Variants in IQSEC3 observed in about 807,000 individuals in gnomAD.
The protein encoded by IQSEC3 is IQ motif and Sec7 domain ArfGEF 3, also known as IQ motif and SEC7 domain-containing protein 3.
IQSEC3 carries 50 observed loss-of-function variants against 105.4 expected under a neutral mutation model. That is an observed-to-expected ratio of 0.47 (90% CI 0.38 to 0.60). The LOEUF is 0.60. Ranked by LOEUF, IQSEC3 falls within the 20% of genes least tolerant of loss-of-function variation. The probability of loss-of-function intolerance (pLI) is 0.00; values close to 1 mark genes in which losing one functional copy is unlikely to be tolerated. For missense variants in IQSEC3, 1,415 were observed against 1,630.0 expected (o/e 0.87, Z 2.27); for synonymous variants, 708 against 746.0 (o/e 0.95, Z 0.83).
intron 7 of IQSEC3, 104 bp from the exon 8 acceptor site, chr12:161,822 C>A (rs555203160): frequency 7.8e-5 from 95 of 1,217,938 alleles, no homozygotes; most frequent in Non-Finnish European, 1.1e-4. Context: ...AAGGCCACCC[C>A]CCGGGAGCTC....
intron 1 of IQSEC3, among the ~76,000 whole-genome samples, chr12:78,181 G>T (rs1181127133): frequency 1.3e-5 from 2 of 150,604 alleles, no homozygotes; most frequent in African/African-American, 4.8e-5. Context: ...GCCTCCCGGC[G>T]CAGGGCGCCG....
intron 2 of IQSEC3, among the ~76,000 whole-genome samples, chr12:102,025 C>T (rs1441301690): frequency 6.6e-6 from 1 of 152,116 alleles, no homozygotes; most frequent in Non-Finnish European, 1.5e-5. Context: ...GGGTAGGTCA[C>T]ACAGCCCTCT....
chr12:87,100 T>G (rs1555072260), intron 1 of IQSEC3, among the ~76,000 whole-genome samples: 1 of 152,068 alleles, frequency 6.6e-6, no homozygotes, highest in African/African-American at 2.4e-5. Flanking sequence ...AAAACAGATC[T>G]CTGTTTTGCT....
In IQSEC3 at chr12:138,462, G is replaced by C. The variant is rs900471184; in HGVS notation, c.1099G>C (p.Glu367Gln). 17 of 1,601,512 alleles carry C rather than the reference G, an allele frequency of 1.1e-5. No homozygotes were observed. Among genetic ancestry groups the C allele is most frequent in the African/African-American group, 1.3e-5 (1 of 74,846 alleles). ...ACCCACGGCCGAGAGCCTGGCGGCC[G>C]AGAAAGCGCTCATGGAGGGCTACGG... is the stretch of plus-strand genomic sequence containing the variant. ...RSPTAESLAA[E>Q]KALMEGYGLV... The change falls in exon 4 of 14, where the codon GAG becomes CAG. Residue 367 changes from glutamate (E) to glutamine (Q), a missense_variant. By Grantham distance (29) the Glu-to-Gln change is conservative. Transcript: ENST00000538872. The surrounding 1 kb of genome is among the most constrained non-coding windows in gnomAD (Gnocchi z 7.1).
chr12:134,516 G>A (rs536295681), intron 3 of IQSEC3, among the ~76,000 whole-genome samples: 1 of 152,376 alleles, frequency 6.6e-6, no homozygotes, highest in South Asian at 2.1e-4. Context: ...CCTTCCCTGT[G>A]TTGCCAACAG....
intron 1 of IQSEC3, among the ~76,000 whole-genome samples, chr12:73,727 G>A (rs1555068199): frequency 6.6e-6 from 1 of 152,092 alleles, no homozygotes; most frequent in African/African-American, 2.4e-5. Context: ...AAGATAAAAG[G>A]TTCACCTGTT....
intron 1 of IQSEC3, among the ~76,000 whole-genome samples, chr12:94,516 A>G (rs933699413): frequency 1.3e-5 from 2 of 152,228 alleles, no homozygotes; most frequent in African/African-American, 2.4e-5. Context: ...CAGGAGGTGG[A>G]TGGAGGAGCG....
At chr12:159,083 G>C (rs1200949692) in intron 7 of IQSEC3, among the ~76,000 whole-genome samples, 1 of 152,150 alleles carries the variant, frequency 6.6e-6, no homozygotes, top group Non-Finnish European at 1.5e-5. Flanking sequence ...TGTTATTAGG[G>C]CTCTGCACAC....
chr12:118,190 C>A (rs1228760047), intron 2 of IQSEC3, among the ~76,000 whole-genome samples: 1 of 152,200 alleles, frequency 6.6e-6, no homozygotes, highest in Middle Eastern at 3.2e-3. Flanking sequence ...AGTGCCCTCT[C>A]CACCACCTTG....
intron 1 of IQSEC3, among the ~76,000 whole-genome samples, chr12:95,329 T>G (rs1447036178): frequency 6.6e-6 from 1 of 152,256 alleles, no homozygotes; most frequent in East Asian, 1.9e-4. Context: ...GTCTATGACC[T>G]ATAGATTATA....
At chr12:155,537 T>G (rs986183373) in intron 5 of IQSEC3, among the ~76,000 whole-genome samples, 1 of 152,158 alleles carries the variant, frequency 6.6e-6, no homozygotes, top group Middle Eastern at 3.2e-3. Flanking sequence ...CAGAAACCTG[T>G]GGGAGGCGGA....
At chr12:106,372 C>T (rs1477741975) in intron 2 of IQSEC3, among the ~76,000 whole-genome samples, 5 of 152,334 alleles carry the variant, frequency 3.3e-5, no homozygotes, top group South Asian at 4.1e-4. Context: ...TCCCCAGCCA[C>T]AGCCAGCGGG....
chr12:100,315 G>C (rs565617003), intron 2 of IQSEC3, among the ~76,000 whole-genome samples: 1 of 152,294 alleles, frequency 6.6e-6, no homozygotes, highest in African/African-American at 2.4e-5. Flanking sequence ...ACAGAGCAAG[G>C]ACCAGTGCAG....
In IQSEC3 at chr12:141,253, C is replaced by A; in HGVS notation, c.2121C>A (p.Asn707Lys). Residue 707 changes from asparagine to lysine, a missense_variant, in exon 5 of 14, where the codon AAC becomes AAA. Asn to Lys is a moderately conservative substitution (Grantham distance 94). This residue lies in a region of IQSEC3 where 213 missense variants were observed against 306.2 expected (regional missense o/e 0.70). Transcript: ENST00000538872. ...SRQMIGEFLGNSKKQFNRDVL... is the reference protein window; with the variant it reads ...SRQMIGEFLGKSKKQFNRDVL... ...AGATGATTGGAGAGTTCCTGGGCAA[C>A]AGCAAGAAGCAGTTCAACCGCGACG... is the stretch of plus-strand genomic sequence containing the variant. 1 of 1,614,102 alleles carries A rather than the reference C, an allele frequency of 6.2e-7. No homozygotes were observed. The highest frequency in any genetic ancestry group is 8.5e-7 in the Non-Finnish European group (1 of 1,179,992).
intron 2 of IQSEC3, among the ~76,000 whole-genome samples, chr12:101,047 T>C (rs1157717362): frequency 1.3e-5 from 2 of 152,202 alleles, no homozygotes; most frequent in Non-Finnish European, 2.9e-5. Flanking sequence ...GAGCATTTTA[T>C]TGATACTAAC....
chr12:172,814 TACTG>T (rs1435004999), intron 13 of IQSEC3, among the ~76,000 whole-genome samples: 5 of 152,178 alleles, frequency 3.3e-5, no homozygotes, highest in East Asian at 1.9e-4. Flanking sequence ...GCTTTTCACT[TACTG>T]ACCACTAAAG....
chr12:125,184 A>G lies in IQSEC3; in HGVS notation c.624-449A>G, dbSNP rs1387963537. Among the ~76,000 whole-genome samples the G allele has an allele frequency of 2.0e-5, 3 of 152,192 alleles. No homozygotes were observed. The East Asian group carries it at 5.8e-4, about 29-fold the overall frequency. ...ATAGGTAACACATGTAGCAGTCACC[A>G]TGACTCAGGCACAGCTTAAAGAGTT... On this transcript the variant is annotated intron_variant, in intron 2 of 13. Transcript: ENST00000538872.
chr12:154,136 G>A lies in IQSEC3; in HGVS notation c.2154-2889G>A, dbSNP rs782148670. ...GTATTCAACTCCCATTCTGTGGGCC[G>A]ACTTTTCAACCTGGCTGCTTCCCCC... On this transcript the variant is annotated intron_variant, in intron 5 of 13. Transcript: ENST00000538872. Among the ~76,000 whole-genome samples the A allele has an allele frequency of 7.9e-5, 12 of 152,168 alleles. No individual in the cohort carries two copies. In the South Asian group the frequency reaches 8.3e-4, roughly 10 times the overall value.
At chr12:136,452 T>TGTG (rs1403507878) in intron 3 of IQSEC3, among the ~76,000 whole-genome samples, 3 of 152,188 alleles carry the variant, frequency 2.0e-5, no homozygotes, top group Non-Finnish European at 2.9e-5. Context: ...ACGGCTGGGC[T>TGTG]GTGGGAGGCA....
Sources: gnomAD v4.1 joint callset for allele counts (sites outside exome capture counted in the v4.1 genomes callset) on GRCh38, gnomAD v4.1.1 for gene constraint, gnomAD v4.1.1 regional missense constraint, Gnocchi (gnomAD v3.1) non-coding constraint, MANE v1.5 for transcripts, NCBI Gene and HGNC (gene_info 2026-07-23, HGNC 2026-07-21) for gene names.